Variants in OR7C1 observed in about 807,000 individuals in gnomAD.
OR7C1 encodes olfactory receptor 7C1.
For synonymous variants in OR7C1, 152 were observed against 160.7 expected (o/e 0.95, Z 0.41); for missense variants, 324 against 383.3 (o/e 0.85, Z 1.29).
At chr19:14,815,872 C>G (rs992833339) in intron 1 of OR7C1, among the ~76,000 whole-genome samples, 1 of 151,568 alleles carries the variant, frequency 6.6e-6, no homozygotes, top group Non-Finnish European at 1.5e-5. Context: ...CCCAGGCAGG[C>G]GTACAGTGGT....
chr19:14,817,732 A>G (rs1195821457), intron 1 of OR7C1, among the ~76,000 whole-genome samples: 1 of 152,202 alleles, frequency 6.6e-6, no homozygotes, highest in Non-Finnish European at 1.5e-5. Context: ...TGCTAAAAAG[A>G]GCAGTGTCTG....
intron 1 of OR7C1, among the ~76,000 whole-genome samples, chr19:14,831,251 A>G (rs1270723129): frequency 6.6e-6 from 1 of 152,214 alleles, no homozygotes; most frequent in East Asian, 1.9e-4. Flanking sequence ...ATAAGCCAAC[A>G]ATTCACAAAA....
intron 1 of OR7C1, chr19:14,827,433 G>C: frequency 6.2e-7 from 1 of 1,614,158 alleles, no homozygotes; most frequent in South Asian, 1.1e-5. Flanking sequence ...TGTTGCACTT[G>C]AGTGTGAGTT....
intron 1 of OR7C1, chr19:14,825,951 ATT>A (rs1204698369): frequency 6.6e-6 from 1 of 152,170 alleles, no homozygotes; most frequent in Non-Finnish European, 1.5e-5. Flanking sequence ...GCTGCTTCTT[ATT>A]TTGGCATTTG....
intron 1 of OR7C1, among the ~76,000 whole-genome samples, chr19:14,818,217 C>G (rs933363017): frequency 2.2e-4 from 33 of 151,862 alleles, no homozygotes; most frequent in Admixed American, 5.9e-4. Context: ...CTCAGCCTCC[C>G]GAGTAGCTGC....
intron 4 of OR7C1, 27 bp from the exon 5 acceptor site, chr19:14,800,176 G>A (rs1342285669): frequency 1.3e-6 from 2 of 1,509,546 alleles, no homozygotes; most frequent in African/African-American, 2.8e-5. Flanking sequence ...AAAAGCAACA[G>A]TCAATTATCA....
At chr19:14,815,891 G>T (rs1325383466) in intron 1 of OR7C1, among the ~76,000 whole-genome samples, 1 of 151,806 alleles carries the variant, frequency 6.6e-6, no homozygotes, top group Admixed American at 6.6e-5. Flanking sequence ...GTGCAATCAT[G>T]GCTCACTGCA....
At chr19:14,801,791 C>CAG (rs367838678) in intron 2 of OR7C1, among the ~76,000 whole-genome samples, 2 of 151,330 alleles carry the variant, frequency 1.3e-5, no homozygotes, top group African/African-American at 4.8e-5. Flanking sequence ...CACATGGCAG[C>CAG]AGAGAGAGAG....
chr19:14,805,024 G>A (rs1299431969), intron 2 of OR7C1, among the ~76,000 whole-genome samples: 8 of 151,746 alleles, frequency 5.3e-5, no homozygotes, highest in Non-Finnish European at 1.0e-4. Context: ...AGAATGCACC[G>A]TCACACCCAG....
intron 1 of OR7C1, chr19:14,825,403 T>C (rs1284357083): frequency 1.3e-5 from 2 of 152,184 alleles, no homozygotes; most frequent in Non-Finnish European, 2.9e-5. Context: ...AAAAATATTA[T>C]ACTGTACACT....
intron 2 of OR7C1, among the ~76,000 whole-genome samples, chr19:14,803,375 C>G (rs544001353): frequency 6.6e-6 from 1 of 150,826 alleles, no homozygotes; most frequent in South Asian, 2.1e-4. Flanking sequence ...CCGGAGGAAG[C>G]TGGCTGCTCC....
In OR7C1 at chr19:14,808,052, C is replaced by T. The variant is rs375490547; in HGVS notation, c.-435+1754G>A. ...ATCAGATAAATGCAAATTAAAACCA[C>T]GATGAGATACCATCTTACACCAGTC... is the stretch of plus-strand genomic sequence containing the variant. On this transcript the variant is annotated intron_variant, in intron 2 of 4. Coordinates refer to ENST00000641666, the Ensembl canonical transcript of OR7C1. Among the ~76,000 whole-genome samples, 450 of 149,760 alleles carry T rather than the reference C, an allele frequency of 3.0e-3. 2 individuals are homozygous for T. The highest frequency in any genetic ancestry group is 5.3e-3 in the Non-Finnish European group (358 of 67,692).
chr19:14,808,378 C>T (rs945183504), intron 2 of OR7C1, among the ~76,000 whole-genome samples: 8 of 151,920 alleles, frequency 5.3e-5, no homozygotes, highest in Admixed American at 6.6e-5. Context: ...AAGTGTCCAC[C>T]AATGTATGAT....
chr19:14,834,641 G>A (rs1374107142), intron 1 of OR7C1, among the ~76,000 whole-genome samples: 1 of 150,872 alleles, frequency 6.6e-6, no homozygotes, highest in Non-Finnish European at 1.5e-5. Context: ...CGTTCATCTG[G>A]ATTTTTCTCA....
intron 1 of OR7C1, chr19:14,827,479 T>C (rs775073172): frequency 1.1e-5 from 17 of 1,613,996 alleles, no homozygotes; most frequent in Middle Eastern, 1.6e-4. Context: ...ACCCCTAGGA[T>C]TGCACCATAA....
intron 1 of OR7C1, among the ~76,000 whole-genome samples, chr19:14,817,691 A>C (rs1263608229): frequency 6.6e-6 from 1 of 152,164 alleles, no homozygotes; most frequent in African/African-American, 2.4e-5. Context: ...TGCTTAGTTG[A>C]CTGATTATTT....
chr19:14,799,548 C>T (rs1049317748), exon 5 of OR7C1: 7 of 1,614,164 alleles, frequency 4.3e-6, no homozygotes, highest in East Asian at 2.2e-5. Context: ...TATATCACCA[C>T]GTTATTAATG....
At chr19:14,801,499 T>C (rs1163216045) in intron 2 of OR7C1, among the ~76,000 whole-genome samples, 4 of 152,220 alleles carry the variant, frequency 2.6e-5, no homozygotes, top group African/African-American at 9.7e-5. Flanking sequence ...ATTTTATAGG[T>C]ACTGCGTATT....
chr19:14,799,882 T>C (rs907797641), exon 5 of OR7C1: 1 of 1,614,066 alleles, frequency 6.2e-7, no homozygotes, highest in African/African-American at 1.3e-5. Flanking sequence ...TCTGTGTCAG[T>C]ATATTCAGTA....
Sources: gnomAD v4.1 joint callset for allele counts (sites outside exome capture counted in the v4.1 genomes callset) on GRCh38, gnomAD v4.1.1 for gene constraint, MANE v1.5 for transcripts, NCBI Gene and HGNC (gene_info 2026-07-23, HGNC 2026-07-21) for gene names.